Variants in DCDC2C observed in about 807,000 individuals in gnomAD.
The protein encoded by DCDC2C is doublecortin domain-containing protein 2C.
A neutral mutation model predicts 45.0 loss-of-function variants in DCDC2C; 44 were observed. That is an observed-to-expected ratio of 0.98 (90% confidence interval 0.77 to 1.26). The LOEUF (loss-of-function observed/expected upper bound fraction) is 1.26, where lower values mean the gene tolerates loss of function less well. DCDC2C is among the 50% of genes most tolerant of loss of function. The pLI, the probability that DCDC2C is intolerant of heterozygous loss-of-function variation, is 0.00. For synonymous variants in DCDC2C, 187 were observed against 178.8 expected (o/e 1.05, Z -0.37); for missense variants, 447 against 468.9 (o/e 0.95, Z 0.43).
chr2:3,755,900 G>T (rs962401515), intron 6 of DCDC2C, among the ~76,000 whole-genome samples: 4 of 152,106 alleles, frequency 2.6e-5, no homozygotes, highest in Non-Finnish European at 5.9e-5. Context: ...GAATACATGT[G>T]TATGTATGTA....
At chr2:3,781,089 A>G (rs1670496411) in intron 9 of DCDC2C, among the ~76,000 whole-genome samples, 1 of 152,124 alleles carries the variant, frequency 6.6e-6, no homozygotes, top group Admixed American at 6.5e-5. Flanking sequence ...ATGTGAAGCA[A>G]CTCATGGGGT....
At position 3,732,251 on chromosome 2, in the gene DCDC2C, G is replaced by C. The variant is rs114948730; in HGVS notation, c.416+5172G>C. Among the ~76,000 whole-genome samples the C allele has an allele frequency of 9.8e-3, 1,492 of 152,132 alleles. 10 individuals carry two copies. The highest frequency in any genetic ancestry group is 0.02 in the Middle Eastern group (6 of 294). ...AAGGCAGGAGAATCTATGGGCTCTT[G>C]TTCCATGATCTCGGAGAGAAGCCAA... On this transcript the variant is annotated intron_variant, in intron 3 of 10. Coordinates refer to ENST00000399143, the MANE Select transcript of DCDC2C (RefSeq NM_001287444.2).
chr2:3,815,029 C>T (rs1001123941), intron 10 of DCDC2C, among the ~76,000 whole-genome samples: 3 of 152,288 alleles, frequency 2.0e-5, no homozygotes, highest in African/African-American at 4.8e-5. Context: ...ATGGCTTAGA[C>T]AGCAGGCAGC....
At chr2:3,821,360 C>T (rs757060002) in intron 10 of DCDC2C, among the ~76,000 whole-genome samples, 2 of 152,072 alleles carry the variant, frequency 1.3e-5, no homozygotes, top group African/African-American at 4.8e-5. Context: ...AAATCAAGAC[C>T]ATATTATGTT....
At chr2:3,796,933 C>T (rs1462811582) in intron 10 of DCDC2C, among the ~76,000 whole-genome samples, 1 of 152,142 alleles carries the variant, frequency 6.6e-6, no homozygotes, top group Non-Finnish European at 1.5e-5. Flanking sequence ...GAAATAGTTT[C>T]AGAAGGAATG....
chr2:3,768,397 G>C (rs1039706185), intron 7 of DCDC2C, among the ~76,000 whole-genome samples: 2 of 152,200 alleles, frequency 1.3e-5, no homozygotes, highest in Non-Finnish European at 2.9e-5. Flanking sequence ...CCAGCTCTGA[G>C]TGAGGCACAT....
At chr2:3,705,394 A>T (rs1227336990) in intron 1 of DCDC2C, among the ~76,000 whole-genome samples, 1 of 152,178 alleles carries the variant, frequency 6.6e-6, no homozygotes, top group Non-Finnish European at 1.5e-5. Context: ...GTGATTTGTG[A>T]TTATTTTTTC....
intron 8 of DCDC2C, among the ~76,000 whole-genome samples, chr2:3,777,583 G>A (rs1439155583): frequency 6.6e-6 from 1 of 152,152 alleles, no homozygotes; most frequent in African/African-American, 2.4e-5. Context: ...TTTTTACAAA[G>A]CTTATTTTTT....
chr2:3,819,533 G>A (rs764496919), intron 10 of DCDC2C, among the ~76,000 whole-genome samples: 15 of 152,318 alleles, frequency 9.8e-5, no homozygotes, highest in South Asian at 6.2e-4. Flanking sequence ...ATTAACTCCC[G>A]TTGTGGGGTT....
chr2:3,723,343 C>T (rs1668546771), intron 2 of DCDC2C, among the ~76,000 whole-genome samples: 2 of 152,168 alleles, frequency 1.3e-5, no homozygotes, highest in Non-Finnish European at 2.9e-5. Context: ...AGGTGTGTGA[C>T]TGGGCAGGGA....
chr2:3,738,714 A>G (rs1446248459), intron 3 of DCDC2C, among the ~76,000 whole-genome samples: 1 of 152,012 alleles, frequency 6.6e-6, no homozygotes, highest in Non-Finnish European at 1.5e-5. Context: ...GTGTACCTTC[A>G]TTTTTCTTGT....
chr2:3,829,346 A>G (rs1444896797), intron 10 of DCDC2C, among the ~76,000 whole-genome samples: 1 of 149,962 alleles, frequency 6.7e-6, no homozygotes, highest in Non-Finnish European at 1.5e-5. Context: ...GTTAAAAATG[A>G]ATTTTTAACA....
At chr2:3,780,304 C>A (rs975580731) in intron 9 of DCDC2C, among the ~76,000 whole-genome samples, 1 of 152,112 alleles carries the variant, frequency 6.6e-6, no homozygotes, top group Non-Finnish European at 1.5e-5. Flanking sequence ...GCGATATGAT[C>A]CAGGCCTTCT....
chr2:3,733,722 G>A (rs357954), intron 3 of DCDC2C, among the ~76,000 whole-genome samples: 44,569 of 152,008 alleles, frequency 0.29, 7,130 homozygotes, highest in South Asian at 0.57. Flanking sequence ...AATCCCACTC[G>A]TGAACCTAAG....
At chr2:3,745,554 T>TA (rs1254418958) in intron 4 of DCDC2C, among the ~76,000 whole-genome samples, 19 of 152,202 alleles carry the variant, frequency 1.2e-4, no homozygotes, top group African/African-American at 4.1e-4. Flanking sequence ...TGAACAGAAT[T>TA]AAAAAAAATC....
intron 3 of DCDC2C, among the ~76,000 whole-genome samples, chr2:3,738,517 A>AT (rs1669093464): frequency 8.6e-6 from 1 of 116,010 alleles, no homozygotes; most frequent in African/African-American, 3.4e-5. Flanking sequence ...AGGGCAATAC[A>AT]TTTTTTCTGC....
At chr2:3,829,858 TA>T (rs1315393943) in intron 10 of DCDC2C, among the ~76,000 whole-genome samples, 1 of 152,208 alleles carries the variant, frequency 6.6e-6, no homozygotes. Context: ...GGCTGGTGGA[TA>T]AAACCTCTGC....
chr2:3,793,266 A>C (rs1670870017), intron 10 of DCDC2C, among the ~76,000 whole-genome samples: 1 of 152,244 alleles, frequency 6.6e-6, no homozygotes, highest in Admixed American at 6.5e-5. Context: ...ACAAATTGGT[A>C]AATATTGTAG....
rs563115511 is a variant in DCDC2C, at chr2:3,734,219, A to G, written c.416+7140A>G. On this transcript the variant is annotated intron_variant, in intron 3 of 10. Transcript: ENST00000399143. The surrounding 1 kb of genome is among the most constrained non-coding windows in gnomAD (Gnocchi z 4.2). ...TCTGTCTTCATGCAAGCCCGAGTAA[A>G]TGATTCATTCAGCCACCTGGGCTGA... 1.7e-4 allele frequency among the ~76,000 whole-genome samples: 26 copies of G among 152,212 alleles called. No homozygotes were observed. The highest frequency in any genetic ancestry group is 3.5e-4 in the Non-Finnish European group (24 of 68,036).
Sources: allele counts gnomAD v4.1 joint callset (sites outside exome capture counted in the v4.1 genomes callset), GRCh38; gene constraint gnomAD v4.1.1; non-coding constraint Gnocchi (gnomAD v3.1); transcripts MANE v1.5; gene names NCBI Gene and HGNC (gene_info 2026-07-23, HGNC 2026-07-21).